PRKCZ: variants seen among roughly 807,000 people sequenced by gnomAD.
The protein encoded by PRKCZ is protein kinase C zeta type.
In PRKCZ, 33 loss-of-function variants were observed where a neutral mutation model predicts 79.5. The observed-to-expected ratio is 0.41, with a 90% CI of 0.31 to 0.55. PRKCZ has a LOEUF of 0.55. Ranked by LOEUF, PRKCZ falls within the 20% of genes least tolerant of loss-of-function variation. The pLI, the probability that PRKCZ is intolerant of heterozygous loss-of-function variation, is 0.19. For missense variants in PRKCZ, 578 were observed against 813.5 expected (o/e 0.71, Z 3.52); for synonymous variants, 342 against 320.9 (o/e 1.07, Z -0.70).
intron 4 of PRKCZ, among the ~76,000 whole-genome samples, chr1:2,061,093 C>A (rs190486780): frequency 6.6e-6 from 1 of 152,196 alleles, no homozygotes; most frequent in Non-Finnish European, 1.5e-5. Flanking sequence ...GGAGGGGACC[C>A]ACGGGCCGTG....
intron 1 of PRKCZ, among the ~76,000 whole-genome samples, chr1:2,051,304 G>A (rs1468131949): frequency 6.6e-6 from 1 of 152,238 alleles, no homozygotes; most frequent in African/African-American, 2.4e-5. Flanking sequence ...GCGCGGTCAG[G>A]TGCTGGAGCG....
intron 4 of PRKCZ, among the ~76,000 whole-genome samples, chr1:2,103,904 C>T (rs958080111): frequency 7.9e-5 from 12 of 152,328 alleles, no homozygotes; most frequent in African/African-American, 1.7e-4. Context: ...CGTTTAAACA[C>T]CTCCTGGCCT....
chr1:2,118,731 G>GTT (rs1157148655), intron 4 of PRKCZ, among the ~76,000 whole-genome samples: 1 of 147,772 alleles, frequency 6.8e-6, no homozygotes, highest in Non-Finnish European at 1.5e-5. Flanking sequence ...GTGTGTGTGT[G>GTT]TGTGTGTGTG....
chr1:2,055,545 A>C lies in PRKCZ; in HGVS notation c.176A>C (p.Lys59Thr). The change falls in exon 2 of 18, where the codon AAG becomes ACG. Residue 59 changes from lysine (K) to threonine (T), a missense_variant. Transcript: ENST00000378567. ...CACCAGCAGCACCCGCTCACCCTCA[A>C]GTGGGTGGACAGCGAAGGTAGCCCT... ...RLHQQHPLTL[K>T]WVDSEGDPCT... 6.2e-7 allele frequency: 1 copy of C among 1,613,844 alleles called. No homozygotes were observed. The highest frequency in any genetic ancestry group is 8.5e-7 in the Non-Finnish European group (1 of 1,179,904).
Position 2,144,426 on chromosome 1 carries a change from GA to G in PRKCZ, c.552+86del, listed in dbSNP as rs1217702351. ...GCCCATTGTCCAAGCAGACCTTGGT[GA>G]CCCTGGGTTCTTCAAGAGGGGCCGT... On this transcript the variant is annotated intron_variant, in intron 6 of 17. Coordinates refer to ENST00000378567, the MANE Select transcript of PRKCZ (RefSeq NM_002744.6). 11 of 1,514,508 alleles carry G rather than the reference GA, an allele frequency of 7.3e-6. No individual in the cohort carries two copies. In the Admixed American group the frequency reaches 2.3e-4, roughly 32 times the overall value. The allele number at this position is 1,514,508 out of a possible 1,614,324, so 93.8% of individuals were successfully genotyped here.
Position 2,172,935 on chromosome 1 carries a change from C to T in PRKCZ, c.1285+547C>T, listed in dbSNP as rs1038013761. On this transcript the variant is annotated intron_variant, in intron 13 of 17. Coordinates refer to ENST00000378567, the MANE Select transcript of PRKCZ (RefSeq NM_002744.6). This position sits in a 1 kb window ranked among gnomAD's most constrained non-coding sequence, Gnocchi z 7.8. ...TGCAGCCGTGTGTGCGTGTGTGAAA[C>T]GGGGATGTGGGCACGCGTGTGCAGC... Among the ~76,000 whole-genome samples the T allele has an allele frequency of 2.7e-5, 4 of 150,224 alleles. No individual in the cohort carries two copies. Among genetic ancestry groups the T allele is most frequent in the East Asian group, 2.0e-4 (1 of 5,114 alleles).
intron 4 of PRKCZ, among the ~76,000 whole-genome samples, chr1:2,113,571 G>C (rs528086375): frequency 1.2e-4 from 18 of 152,298 alleles, no homozygotes; most frequent in African/African-American, 4.3e-4. Context: ...GAGCTGGGAT[G>C]GACTTCTCTT....
At position 2,165,524 on chromosome 1, in the gene PRKCZ, T is replaced by TA. The variant is rs576687588; in HGVS notation, c.975-3993dup. ...ACAGAGGGACTTGGAGACTGACGCT[T>TA]ACTGAGGGCCACACCAGCGGTCAGC... On this transcript the variant is annotated intron_variant, in intron 10 of 17. Transcript: ENST00000378567. This position sits in a 1 kb window ranked among gnomAD's most constrained non-coding sequence, Gnocchi z 4.1. 2.6e-5 allele frequency among the ~76,000 whole-genome samples: 4 copies of TA among 152,296 alleles called. No homozygotes were observed. The East Asian group carries it at 7.7e-4, about 29-fold the overall frequency.
intron 4 of PRKCZ, among the ~76,000 whole-genome samples, chr1:2,073,224 T>G (rs1571166560): frequency 6.6e-6 from 1 of 152,092 alleles, no homozygotes; most frequent in South Asian, 2.1e-4. Context: ...TGGGGAAGCT[T>G]GGCCTTTCCT....
At chr1:2,074,108 G>A (rs1417849895) in intron 4 of PRKCZ, 9 of 1,509,022 alleles carry the variant, frequency 6.0e-6, no homozygotes, top group South Asian at 3.9e-5. Context: ...CTGGTGCCAC[G>A]GCCCGGGGAA....
At chr1:2,089,643 A>G (rs1665140869) in intron 4 of PRKCZ, among the ~76,000 whole-genome samples, 1 of 152,120 alleles carries the variant, frequency 6.6e-6, no homozygotes, top group African/African-American at 2.4e-5. Context: ...CCACAACCTT[A>G]CCACCTCTCA....
chr1:2,105,280 G>A (rs1668185349), intron 4 of PRKCZ, among the ~76,000 whole-genome samples: 1 of 152,220 alleles, frequency 6.6e-6, no homozygotes, highest in African/African-American at 2.4e-5. Flanking sequence ...AGGGCCTGCA[G>A]GGTGTTTGTA....
intron 4 of PRKCZ, among the ~76,000 whole-genome samples, chr1:2,107,397 T>C (rs1033931558): frequency 2.6e-5 from 4 of 152,226 alleles, no homozygotes; most frequent in Non-Finnish European, 5.9e-5. Flanking sequence ...CCTCTCTCCT[T>C]CCACGGCCGC....
chr1:2,181,880 T>C, intron 16 of PRKCZ: 1 of 456,496 alleles, frequency 2.2e-6, no homozygotes, highest in Non-Finnish European at 4.4e-6. Flanking sequence ...GGGGGCATCT[T>C]GTGTCCCCAC....
rs1327167741 is a variant in PRKCZ, at chr1:2,094,259, G to A, written c.334+34668G>A. Among the ~76,000 whole-genome samples the A allele has an allele frequency of 6.6e-6, 1 of 152,110 alleles. No individual in the cohort carries two copies. Among genetic ancestry groups the A allele is most frequent in the Non-Finnish European group, 1.5e-5 (1 of 68,018 alleles). On this transcript the variant is annotated intron_variant, in intron 4 of 17. Coordinates refer to ENST00000378567, the MANE Select transcript of PRKCZ (RefSeq NM_002744.6). This position sits in a 1 kb window ranked among gnomAD's most constrained non-coding sequence, Gnocchi z 7.3. ...CCTGCTGTGCCAAGCCTGGTGACCC[G>A]AGGGTACCCTCGGCCTCCCGGCCTG...
rs755047328 is a variant in PRKCZ at position 2,165,927 on chromosome 1, C to T, written c.975-3591C>T. Among the ~76,000 whole-genome samples the T allele has an allele frequency of 2.0e-5, 3 of 152,116 alleles. No homozygotes were observed. The highest frequency in any genetic ancestry group is 6.5e-5 in the Admixed American group (1 of 15,282). ...CCCCCGGCCGCCCCCTAGGAGGTTT[C>T]GTGAGCTTCCAGCATCCCCCTGCGG... is the stretch of plus-strand genomic sequence containing the variant. On this transcript the variant is annotated intron_variant, in intron 10 of 17. Transcript: ENST00000378567. This position sits in a 1 kb window ranked among gnomAD's most constrained non-coding sequence, Gnocchi z 4.1.
chr1:2,070,697 G>A (rs987331645), intron 4 of PRKCZ, among the ~76,000 whole-genome samples: 3 of 151,696 alleles, frequency 2.0e-5, no homozygotes, highest in East Asian at 1.9e-4. Context: ...CATGGGGGCC[G>A]TGGAGGGGCC....
chr1:2,055,504 A>G lies in PRKCZ; in HGVS notation c.135A>G (p.Arg45=). 6.2e-7 allele frequency: 1 copy of G among 1,614,044 alleles called. No homozygotes were observed. The change falls in exon 2 of 18, where the codon AGA becomes AGG. Residue 45 remains arginine, a synonymous_variant. Transcript: ENST00000378567. ...TTFEELCEEV[R]DMCRLHQQHP... ...TCGAGGAGCTCTGTGAGGAAGTGAGAGACATGTGTCGTCTGCACCAGCAGC... is the reference window on the plus strand; with the variant it reads ...TCGAGGAGCTCTGTGAGGAAGTGAGGGACATGTGTCGTCTGCACCAGCAGC...
intron 4 of PRKCZ, among the ~76,000 whole-genome samples, chr1:2,060,051 G>A (rs1166752219): frequency 1.3e-5 from 2 of 152,222 alleles, no homozygotes; most frequent in African/African-American, 4.8e-5. Context: ...GCTTCAGAGG[G>A]AAGCTTCTGA....
Sources: allele counts gnomAD v4.1 joint callset (sites outside exome capture counted in the v4.1 genomes callset), GRCh38; gene constraint gnomAD v4.1.1; non-coding constraint Gnocchi (gnomAD v3.1); transcripts MANE v1.5; gene names NCBI Gene and HGNC (gene_info 2026-07-23, HGNC 2026-07-21).